KIF4A: variants seen among roughly 807,000 people sequenced by gnomAD.
KIF4A encodes kinesin family member 4A, also known as chromosome-associated kinesin KIF4A.
In KIF4A, 7 loss-of-function variants were observed where a neutral mutation model predicts 105.9. That is an observed-to-expected ratio of 0.07 (90% confidence interval 0.04 to 0.12). The LOEUF is 0.12. Among genes scored for constraint, KIF4A ranks in the 10% least tolerant of loss-of-function variants. The pLI, the probability that KIF4A is intolerant of heterozygous loss-of-function variation, is 1.00. For synonymous variants in KIF4A, 281 were observed against 331.3 expected (o/e 0.85, Z 1.65); for missense variants, 558 against 929.2 (o/e 0.60, Z 5.19).
chrX:70,409,107 T>C (rs1250281858), intron 28 of KIF4A, among the ~76,000 whole-genome samples: 2 of 111,414 alleles, frequency 1.8e-5, no homozygotes, highest in East Asian at 5.7e-4. Flanking sequence ...TCAGGTGATC[T>C]GCCCACCTCG....
chrX:70,342,811 A>G (rs2085977501), intron 11 of KIF4A, among the ~76,000 whole-genome samples: 1 of 112,185 alleles, frequency 8.9e-6, no homozygotes. Flanking sequence ...AAGTAACTCT[A>G]GAAGCTGTGT....
chrX:70,378,860 G>A (rs1434228587), intron 18 of KIF4A, among the ~76,000 whole-genome samples: 3 of 104,899 alleles, frequency 2.9e-5, no homozygotes, highest in African/African-American at 1.0e-4. Context: ...GCCTTAATAA[G>A]AAAAAAAAAG....
chrX:70,419,997 G>A, intron 30 of KIF4A, 65 bp from the exon 31 acceptor site: 1 of 1,069,481 alleles, frequency 9.4e-7, no homozygotes, highest in Non-Finnish European at 1.3e-6. Flanking sequence ...ATCTATAGCA[G>A]CTCGGCTGGG....
At chrX:70,318,051 T>C (rs2085876795) in intron 7 of KIF4A, among the ~76,000 whole-genome samples, 1 of 110,086 alleles carries the variant, frequency 9.1e-6, no homozygotes, top group East Asian at 2.9e-4. Flanking sequence ...CTAATTTTTC[T>C]ATTTTTAGTA....
At chrX:70,387,566 A>G (rs941017393) in intron 20 of KIF4A, among the ~76,000 whole-genome samples, 1 of 111,953 alleles carries the variant, frequency 8.9e-6, no homozygotes, top group Non-Finnish European at 1.9e-5. Flanking sequence ...TAAATTGTAC[A>G]TATTTAAAGT....
intron 28 of KIF4A, among the ~76,000 whole-genome samples, chrX:70,411,630 A>C (rs1312834412): frequency 1.8e-5 from 2 of 110,871 alleles, no homozygotes; most frequent in African/African-American, 6.6e-5. Flanking sequence ...CCACCCCCAG[A>C]TATTCTGATG....
At position 70,420,454 on chromosome X, in the gene KIF4A, T is replaced by C. The variant is rs752713016; in HGVS notation, c.*189T>C. 1.8e-5 allele frequency: 10 copies of C among 562,234 alleles called. No individual in the cohort carries two copies. Among genetic ancestry groups the C allele is most frequent in the Admixed American group, 4.2e-5 (1 of 24,089 alleles). 46.3% of individuals were successfully genotyped at this position (562,234 alleles called of 1,213,427 possible). A position where few individuals can be genotyped will look rare whatever the true frequency, so the allele number is the denominator to read the frequency against. On this transcript the variant is annotated 3_prime_UTR_variant, in exon 31 of 31. Coordinates refer to ENST00000374403, the MANE Select transcript of KIF4A (RefSeq NM_012310.5). ...TTAGCCTCCAGGTCCAGACTACTAC[T>C]CTATGTTCTCCAGAAGGGTGCTAAG...
At position 70,333,574 on chromosome X, in the gene KIF4A, G is replaced by C. The variant is rs142367442; in HGVS notation, c.1072-54G>C. On this transcript the variant is annotated intron_variant, in intron 9 of 30. Coordinates refer to ENST00000374403, the MANE Select transcript of KIF4A (RefSeq NM_012310.5). ...AATTGTGGTAATTTTACTGCCAAGG[G>C]TTAAGTAGCATTTGGTTGGTGACTA... The C allele has an allele frequency of 2.0e-3, 1,760 of 871,973 alleles. 38 individuals carry two copies. The East Asian group carries it at 0.037, about 18-fold the overall frequency. The allele number at this position is 871,973 out of a possible 1,213,427, so 71.9% of individuals were successfully genotyped here.
At chrX:70,364,720 G>A (rs1303265634) in intron 15 of KIF4A, among the ~76,000 whole-genome samples, 2 of 111,839 alleles carry the variant, frequency 1.8e-5, no homozygotes. Flanking sequence ...ACTTGGCAAT[G>A]CAGGCTCTTT....
At chrX:70,313,233 G>A (rs931488533) in intron 7 of KIF4A, among the ~76,000 whole-genome samples, 1 of 111,189 alleles carries the variant, frequency 9.0e-6, no homozygotes, top group African/African-American at 3.3e-5. Flanking sequence ...TCTTCTTAGA[G>A]GATTATATCT....
intron 18 of KIF4A, among the ~76,000 whole-genome samples, chrX:70,379,292 T>C (rs1192745857): frequency 1.8e-5 from 2 of 112,130 alleles, no homozygotes; most frequent in African/African-American, 3.2e-5. Flanking sequence ...TATTAACAAC[T>C]GTATGCCAAC....
intron 15 of KIF4A, among the ~76,000 whole-genome samples, chrX:70,372,717 A>G (rs1211796082): frequency 1.8e-5 from 2 of 112,849 alleles, no homozygotes; most frequent in African/African-American, 6.4e-5. Flanking sequence ...TTCGTTTTCC[A>G]AATGCATGCA....
intron 7 of KIF4A, among the ~76,000 whole-genome samples, chrX:70,328,383 C>G (rs2085918491): frequency 9.0e-6 from 1 of 110,687 alleles, no homozygotes; most frequent in South Asian, 3.9e-4. Context: ...AGCTAATTCT[C>G]TCCAGTCCTC....
At chrX:70,293,448 C>T (rs1029776565) in intron 3 of KIF4A, among the ~76,000 whole-genome samples, 6 of 111,796 alleles carry the variant, frequency 5.4e-5, no homozygotes, top group Non-Finnish European at 1.1e-4. Context: ...TTTTAGGTGC[C>T]ATGCTTATAG....
intron 7 of KIF4A, among the ~76,000 whole-genome samples, chrX:70,319,473 A>C (rs919497564): frequency 9.9e-5 from 11 of 111,278 alleles, no homozygotes; most frequent in Admixed American, 7.6e-4. Flanking sequence ...CTTATTAAAA[A>C]GTCCGTTCTT....
intron 7 of KIF4A, among the ~76,000 whole-genome samples, chrX:70,319,386 A>G (rs1308138677): frequency 1.8e-5 from 2 of 111,915 alleles, no homozygotes; most frequent in Non-Finnish European, 3.8e-5. Flanking sequence ...TCCACCTAGA[A>G]CTGTTTTTTT....
chrX:70,365,543 G>A (rs1186155150), intron 15 of KIF4A, among the ~76,000 whole-genome samples: 3 of 111,887 alleles, frequency 2.7e-5, no homozygotes, highest in Non-Finnish European at 3.8e-5. Flanking sequence ...GCTGGATTAC[G>A]TTTATTGATT....
intron 7 of KIF4A, 33 bp from the exon 8 acceptor site, chrX:70,329,372 C>T (rs2085922094): frequency 8.6e-7 from 1 of 1,157,667 alleles, no homozygotes; most frequent in Non-Finnish European, 1.2e-6. Context: ...GGATGCATTA[C>T]CAAGCAATTT....
chrX:70,325,331 G>A (rs1049744944), intron 7 of KIF4A, among the ~76,000 whole-genome samples: 12 of 111,186 alleles, frequency 1.1e-4, no homozygotes, highest in African/African-American at 9.8e-5. Context: ...AAGCTGGAGT[G>A]CAGTGGCACA....
Sources: allele counts gnomAD v4.1 joint callset (sites outside exome capture counted in the v4.1 genomes callset), GRCh38; gene constraint gnomAD v4.1.1; transcripts MANE v1.5; gene names NCBI Gene and HGNC (gene_info 2026-07-23, HGNC 2026-07-21).